The following SORCS1 variants were observed in gnomAD, a reference collection of about 807,000 sequenced individuals.
SORCS1 encodes the protein sortilin related VPS10 domain containing receptor 1, also known as VPS10 domain-containing receptor SorCS1.
SORCS1 carries 60 observed loss-of-function variants against 146.1 expected under a neutral mutation model. The observed-to-expected ratio is 0.41, with a 90% confidence interval of 0.33 to 0.51. The LOEUF (loss-of-function observed/expected upper bound fraction) is 0.51. Among genes scored for constraint, SORCS1 ranks in the 20% least tolerant of loss-of-function variants. The probability of loss-of-function intolerance (pLI) is 0.21; values close to 1 mark genes in which losing one functional copy is unlikely to be tolerated. For synonymous variants in SORCS1, 637 were observed against 584.0 expected, an observed-to-expected ratio of 1.09 and a Z score of -1.31; for missense variants, 1,352 against 1,487.6, an observed-to-expected ratio of 0.91 and a Z score of 1.50.
At chr10:106,601,028 C>A (rs1191340537) in intron 23 of SORCS1, among the ~76,000 whole-genome samples, 1 of 152,216 alleles carries the variant, frequency 6.6e-6, no homozygotes, top group Non-Finnish European at 1.5e-5. Context: ...GATTTCCTAA[C>A]ACCATCCTCA....
chr10:106,673,859 T>A (rs1851797765), intron 14 of SORCS1, among the ~76,000 whole-genome samples: 1 of 152,198 alleles, frequency 6.6e-6, no homozygotes, highest in Non-Finnish European at 1.5e-5. Context: ...AGAAAAGCCA[T>A]GAAGTGGCCT....
chr10:106,934,100 C>CA (rs57432764), intron 2 of SORCS1, among the ~76,000 whole-genome samples: 8,454 of 97,826 alleles, frequency 0.086, 492 homozygotes, highest in African/African-American at 0.21. Flanking sequence ...TCTCAAAAAA[C>CA]AAAAAAAAAA....
intron 6 of SORCS1, among the ~76,000 whole-genome samples, chr10:106,724,234 C>G (rs1407282897): frequency 6.6e-6 from 1 of 152,164 alleles, no homozygotes; most frequent in Non-Finnish European, 1.5e-5. Flanking sequence ...TAAGGCCGGG[C>G]ATGGTGGCTC....
chr10:107,055,945 T>C (rs1424715029), intron 1 of SORCS1, among the ~76,000 whole-genome samples: 1 of 152,178 alleles, frequency 6.6e-6, no homozygotes, highest in East Asian at 1.9e-4. Flanking sequence ...GGGGATTGCT[T>C]TGAGAGATTG....
chr10:106,721,900 AC>A (rs1855805877), intron 6 of SORCS1, among the ~76,000 whole-genome samples: 2 of 152,184 alleles, frequency 1.3e-5, no homozygotes, highest in Non-Finnish European at 2.9e-5. Flanking sequence ...AATATAGTTG[AC>A]TTTATAATGG....
rs200348227 is a variant in SORCS1, at chr10:107,049,901, T to C, written c.559-93321A>G. 8.5e-5 allele frequency among the ~76,000 whole-genome samples: 13 copies of C among 152,358 alleles called. No individual in the cohort carries two copies. The East Asian group carries it at 2.5e-3, about 29-fold the overall frequency. The stretch of plus-strand genomic sequence containing the variant: ...CTACCAAAATTCCACCTTTGGCTAA[T>C]ATTTTGTGTGAAGAGAGAATAATTA... On this transcript the variant is annotated intron_variant, in intron 1 of 25. Transcript: ENST00000263054.
chr10:106,916,476 A>T (rs1254508924), intron 2 of SORCS1, among the ~76,000 whole-genome samples: 1 of 148,008 alleles, frequency 6.8e-6, no homozygotes, highest in Admixed American at 6.8e-5. Context: ...TATATGTATT[A>T]TGTATATTAT....
chr10:107,047,740 C>T (rs1959644297), intron 1 of SORCS1, among the ~76,000 whole-genome samples: 1 of 152,092 alleles, frequency 6.6e-6, no homozygotes, highest in Admixed American at 6.6e-5. Context: ...CAGTTGTTCC[C>T]TGAAAATGGA....
At chr10:106,967,308 C>T (rs573692525) in intron 1 of SORCS1, among the ~76,000 whole-genome samples, 2 of 151,842 alleles carry the variant, frequency 1.3e-5, no homozygotes, top group African/African-American at 4.8e-5. Context: ...TATTCTTCTT[C>T]CTCTTGGTAA....
chr10:106,775,115 T>G (rs56062902), intron 4 of SORCS1, among the ~76,000 whole-genome samples: 14,711 of 152,268 alleles, frequency 0.097, 829 homozygotes, highest in East Asian at 0.23. Context: ...TCCTCCAGCA[T>G]AACTGCAAAG....
At position 106,851,517 on chromosome 10, in the gene SORCS1, A is replaced by C. The variant is rs571534414; in HGVS notation, c.627-21844T>G. Among the ~76,000 whole-genome samples the C allele has an allele frequency of 8.5e-5, 13 of 152,238 alleles. No homozygotes were observed. The East Asian group carries it at 2.5e-3, about 29-fold the overall frequency. On this transcript the variant is annotated intron_variant, in intron 2 of 25. Coordinates refer to ENST00000263054, the MANE Select transcript of SORCS1 (RefSeq NM_052918.5). ...TGTGAAAGATCAGCTGACTATATTT[A>C]TATTGTTCTATGTCTGGGCTCTCTA...
chr10:106,915,395 A>G (rs1268834459), intron 2 of SORCS1, among the ~76,000 whole-genome samples: 2 of 152,156 alleles, frequency 1.3e-5, no homozygotes, highest in Non-Finnish European at 2.9e-5. Context: ...CCCTGTTTCT[A>G]TAATATTTTC....
In SORCS1 at chr10:106,655,491, T is replaced by C. The variant is rs1003226451; in HGVS notation, c.2304-2938A>G. Among the ~76,000 whole-genome samples the C allele has an allele frequency of 6.6e-5, 10 of 152,200 alleles. No individual in the cohort carries two copies. In the East Asian group the frequency reaches 9.6e-4, roughly 15 times the overall value. On this transcript the variant is annotated intron_variant, in intron 17 of 25. Coordinates refer to ENST00000263054, the MANE Select transcript of SORCS1 (RefSeq NM_052918.5). The stretch of plus-strand genomic sequence containing the variant: ...TCTTGGTGGGCAGCTATAGAAACAC[T>C]GGTTCACCATCACCACTAGCATCAT...
intron 2 of SORCS1, among the ~76,000 whole-genome samples, chr10:106,869,107 T>C (rs924219816): frequency 6.6e-6 from 1 of 152,078 alleles, no homozygotes; most frequent in Non-Finnish European, 1.5e-5. Context: ...TGGACAAATT[T>C]GTGGACACAT....
intron 1 of SORCS1, among the ~76,000 whole-genome samples, chr10:107,124,882 A>G (rs758239748): frequency 6.6e-6 from 1 of 151,892 alleles, no homozygotes; most frequent in African/African-American, 2.4e-5. Context: ...GCAAAATGCA[A>G]TTGTGGAAAG....
chr10:106,836,951 G>A (rs1948815753), intron 2 of SORCS1, among the ~76,000 whole-genome samples: 1 of 152,094 alleles, frequency 6.6e-6, no homozygotes, highest in Non-Finnish European at 1.5e-5. Context: ...AACACAACTG[G>A]AATTAGTCAC....
chr10:107,173,193 A>G, the SORCS1 span, among the ~76,000 whole-genome samples: 1 of 152,196 alleles, frequency 6.6e-6, no homozygotes, highest in African/African-American at 2.4e-5. Flanking sequence ...TTACTCAATT[A>G]AATCAGTTTG....
At chr10:106,694,412 C>A (rs1853540387) in intron 9 of SORCS1, among the ~76,000 whole-genome samples, 1 of 152,100 alleles carries the variant, frequency 6.6e-6, no homozygotes, top group Non-Finnish European at 1.5e-5. Flanking sequence ...CCACACCCAG[C>A]TAATTTCTGT....
intron 1 of SORCS1, among the ~76,000 whole-genome samples, chr10:107,065,507 C>CCTCTCCTCTG (rs1564992553): frequency 4.5e-5 from 2 of 43,966 alleles, no homozygotes; most frequent in East Asian, 3.0e-4. Context: ...CCTCTCCTCT[C>CCTCTCCTCTG]CTCTCTTTCT....
Sources: gnomAD v4.1 joint callset for allele counts (sites outside exome capture counted in the v4.1 genomes callset) on GRCh38, gnomAD v4.1.1 for gene constraint, MANE v1.5 for transcripts, NCBI Gene and HGNC (gene_info 2026-07-23, HGNC 2026-07-21) for gene names.